The following ANKFN1 variants were observed in gnomAD, a reference collection of about 807,000 sequenced individuals.
ANKFN1 encodes the protein ankyrin repeat and fibronectin type-III domain-containing protein 1.
In ANKFN1, 74 loss-of-function variants were observed where a neutral mutation model predicts 108.7. The observed-to-expected ratio is 0.68, with a 90% CI of 0.56 to 0.83. ANKFN1 has a LOEUF of 0.83. Ranked by LOEUF, ANKFN1 falls within the 40% of genes least tolerant of loss-of-function variation. The pLI, the probability that ANKFN1 is intolerant of heterozygous loss-of-function variation, is 0.00. For missense variants in ANKFN1, 1,505 were observed against 1,382.3 expected (o/e 1.09, Z -1.41); for synonymous variants, 547 against 516.2 (o/e 1.06, Z -0.81).
Position 56,354,062 on chromosome 17 carries a change from A to G in ANKFN1, c.601+16A>G. ...AGTCCACACTGTAAGTAACCTGAGA[A>G]TAAACACATGTACTATTAAAGCCAG... On this transcript the variant is annotated intron_variant, in intron 6 of 20. Transcript: ENST00000682825. 6.2e-7 allele frequency: 1 copy of G among 1,611,618 alleles called. No individual in the cohort carries two copies.
chr17:56,293,024 G>T (rs76163759), intron 3 of ANKFN1, among the ~76,000 whole-genome samples: 3,329 of 152,120 alleles, frequency 0.022, 151 homozygotes, highest in East Asian at 0.1. Flanking sequence ...ATATGCCAAT[G>T]GTCATCAATT....
intron 8 of ANKFN1, among the ~76,000 whole-genome samples, chr17:56,403,934 G>A (rs563776568): frequency 1.1e-4 from 17 of 152,016 alleles, no homozygotes; most frequent in Admixed American, 5.2e-4. Context: ...GCTTAGTTTT[G>A]CTGGATACAA....
rs116406628 is a variant in ANKFN1, at chr17:56,272,531, T to C, written c.53+44574T>C. 5.5e-3 allele frequency among the ~76,000 whole-genome samples: 833 copies of C among 152,336 alleles called. 11 individuals are homozygous for C. Among genetic ancestry groups the C allele is most frequent in the Middle Eastern group, 0.024 (7 of 294 alleles). On this transcript the variant is annotated intron_variant, in intron 3 of 20. Transcript: ENST00000682825. ...TTCCTTCCTTTTTAAGGCTGAATAATATTCCAGTGTATGTATATACCATAT... is the reference window on the plus strand; with the variant it reads ...TTCCTTCCTTTTTAAGGCTGAATAACATTCCAGTGTATGTATATACCATAT...
intron 4 of ANKFN1, among the ~76,000 whole-genome samples, chr17:56,116,483 C>T (rs2143275722): frequency 6.6e-6 from 1 of 152,230 alleles, no homozygotes; most frequent in East Asian, 1.9e-4. Context: ...GGGGGCAGAT[C>T]CCTCATGTCT....
intron 8 of ANKFN1, among the ~76,000 whole-genome samples, chr17:56,427,519 C>A (rs1453307171): frequency 6.6e-6 from 1 of 152,004 alleles, no homozygotes; most frequent in African/African-American, 2.4e-5. Flanking sequence ...CTCAGTACAA[C>A]CCCTTGTTCT....
chr17:56,471,487 A>G (rs1398860664), intron 15 of ANKFN1: 1 of 152,166 alleles, frequency 6.6e-6, no homozygotes, highest in East Asian at 1.9e-4. Flanking sequence ...AAGCAGCTCC[A>G]AACACAAGGA....
At chr17:56,192,066 C>A (rs561933980) in intron 1 of ANKFN1, among the ~76,000 whole-genome samples, 34 of 152,104 alleles carry the variant, frequency 2.2e-4, no homozygotes, top group African/African-American at 8.2e-4. Flanking sequence ...CAGCTCAATG[C>A]AACAGAACAG....
At chr17:56,406,970 C>A (rs913268353) in intron 8 of ANKFN1, among the ~76,000 whole-genome samples, 2 of 152,096 alleles carry the variant, frequency 1.3e-5, no homozygotes, top group Non-Finnish European at 2.9e-5. Flanking sequence ...GTAATGGATG[C>A]TAATTGGAAT....
At chr17:56,343,643 T>A (rs1163166142) in intron 4 of ANKFN1, among the ~76,000 whole-genome samples, 2 of 151,982 alleles carry the variant, frequency 1.3e-5, no homozygotes, top group Non-Finnish European at 2.9e-5. Context: ...GGGGCATATT[T>A]TGGCCATTAT....
chr17:56,494,010 C>T (rs1418767052), intron 19 of ANKFN1, among the ~76,000 whole-genome samples: 2 of 152,140 alleles, frequency 1.3e-5, no homozygotes, highest in African/African-American at 2.4e-5. Flanking sequence ...ATATAAAACA[C>T]TCGGCAAAAT....
At chr17:56,415,379 C>A (rs923204184) in intron 8 of ANKFN1, among the ~76,000 whole-genome samples, 1 of 152,054 alleles carries the variant, frequency 6.6e-6, no homozygotes, top group Non-Finnish European at 1.5e-5. Context: ...TGGAAGATAC[C>A]AAATCAACGT....
intron 1 of ANKFN1, among the ~76,000 whole-genome samples, chr17:56,210,415 G>A (rs1914896041): frequency 6.6e-6 from 1 of 152,046 alleles, no homozygotes; most frequent in Non-Finnish European, 1.5e-5. Context: ...TTTTTGATTT[G>A]TTGATTATGG....
At chr17:56,222,626 A>G (rs1422991206) in intron 2 of ANKFN1, among the ~76,000 whole-genome samples, 3 of 152,240 alleles carry the variant, frequency 2.0e-5, no homozygotes, top group African/African-American at 7.2e-5. Context: ...CTTGAAACTC[A>G]AAAATATTGC....
At chr17:56,444,886 C>T (rs1306483842) in intron 10 of ANKFN1, among the ~76,000 whole-genome samples, 1 of 152,154 alleles carries the variant, frequency 6.6e-6, no homozygotes, top group East Asian at 1.9e-4. Flanking sequence ...TAGTGCCCTG[C>T]TATCAGGCAG....
intron 3 of ANKFN1, among the ~76,000 whole-genome samples, chr17:56,321,338 C>T (rs1038212502): frequency 6.6e-6 from 1 of 151,800 alleles, no homozygotes; most frequent in Admixed American, 6.6e-5. Context: ...CAGCCTCGCC[C>T]TAAGGAAGGT....
chr17:56,481,501 C>CAT (rs2050700504), intron 17 of ANKFN1, among the ~76,000 whole-genome samples: 1 of 151,538 alleles, frequency 6.6e-6, no homozygotes, highest in South Asian at 2.1e-4. Context: ...CACACACACA[C>CAT]ACACACACAC....
At chr17:56,202,874 T>C (rs1167034608) in intron 1 of ANKFN1, among the ~76,000 whole-genome samples, 3 of 152,230 alleles carry the variant, frequency 2.0e-5, no homozygotes, top group Admixed American at 6.5e-5. Flanking sequence ...AAATCAAAAC[T>C]GTATTTATAC....
intron 3 of ANKFN1, among the ~76,000 whole-genome samples, chr17:56,322,059 C>G (rs2045384160): frequency 6.6e-6 from 1 of 152,156 alleles, no homozygotes; most frequent in African/African-American, 2.4e-5. Flanking sequence ...TAAATGGGTT[C>G]TTCAAAGCAT....
Position 56,440,333 on chromosome 17 carries a change from G to T in ANKFN1, c.917G>T (p.Trp306Leu). The T allele has an allele frequency of 6.2e-7, 1 of 1,609,350 alleles. No homozygotes were observed. The highest frequency in any genetic ancestry group is 1.1e-5 in the South Asian group (1 of 90,646). ...GCCCCCCTACTCCCTCCAGTGGAATGGAGTATGTCCGAAGACTTTTCTCCT... is the reference window on the plus strand; with the variant it reads ...GCCCCCCTACTCCCTCCAGTGGAATTGAGTATGTCCGAAGACTTTTCTCCT... ...AAVVTRYKVE[W>L]SMSEDFSPLA... The change falls in exon 9 of 21, where the codon TGG (tryptophan) becomes TTG (leucine). Residue 306 changes from tryptophan to leucine, a missense_variant. By Grantham distance (61) the Trp-to-Leu change is moderately conservative. Coordinates refer to ENST00000682825, the MANE Select transcript of ANKFN1 (RefSeq NM_001370326.1).
Sources: allele counts gnomAD v4.1 joint callset (sites outside exome capture counted in the v4.1 genomes callset), GRCh38; gene constraint gnomAD v4.1.1; transcripts MANE v1.5; gene names NCBI Gene and HGNC (gene_info 2026-07-23, HGNC 2026-07-21).